NAV3: variants seen among roughly 807,000 people sequenced by gnomAD.
The protein encoded by NAV3 is neuron navigator 3.
NAV3 carries 87 observed loss-of-function variants against 244.7 expected under a neutral mutation model. The observed-to-expected ratio is 0.36, with a 90% confidence interval of 0.30 to 0.42. The LOEUF is 0.42. Ranked by LOEUF, NAV3 falls within the 20% of genes least tolerant of loss-of-function variation. The pLI is 1.00. For missense variants in NAV3, 2,663 were observed against 2,893.3 expected (o/e 0.92, Z 1.83); for synonymous variants, 1,126 against 1,042.2 (o/e 1.08, Z -1.55).
rs60932712 is a variant in NAV3 at position 77,691,360 on chromosome 12, T to TATATATATAC, written c.72+119094_72+119095insATATATATAC. Among the ~76,000 whole-genome samples the TATATATATAC allele has an allele frequency of 6.4e-3, 862 of 134,800 alleles. 29 individuals are homozygous for TATATATATAC. The highest frequency in any genetic ancestry group is 0.022 in the African/African-American group (818 of 36,708). The allele number at this position is 134,800 out of a possible 152,430, so 88.4% of individuals were successfully genotyped here. ...GTGTATATATATATATATATACATA[T>TATATATATAC]CCATTCTTGTACTTTTTCTGCTCAA... On this transcript the variant is annotated intron_variant, in intron 2 of 8. Coordinates refer to the NAV3 transcript ENST00000550042.
At chr12:78,150,387 T>C (rs995439995) in intron 22 of NAV3, among the ~76,000 whole-genome samples, 3 of 152,074 alleles carry the variant, frequency 2.0e-5, no homozygotes, top group Non-Finnish European at 2.9e-5. Flanking sequence ...ATTGGAATAA[T>C]AAATGGCTGC....
chr12:77,847,589 A>T (rs549968349), intron 1 of NAV3, among the ~76,000 whole-genome samples: 1 of 152,348 alleles, frequency 6.6e-6, no homozygotes, highest in South Asian at 2.1e-4. Context: ...TGCTGACTTT[A>T]TCTACAATTA....
chr12:78,205,172 T>A lies in NAV3; in HGVS notation c.7038+34T>A, dbSNP rs1252459032. The A allele has an allele frequency of 1.9e-6, 3 of 1,587,778 alleles. No individual in the cohort carries two copies. In the South Asian group the frequency reaches 3.4e-5, roughly 18 times the overall value. ...CAGATGTTCATTTCTTCCTATGTAA[T>A]CTTGACTACAGTGTATAGTCATTAA... On this transcript the variant is annotated intron_variant, in intron 39 of 39. Transcript: ENST00000397909.
At chr12:77,754,108 C>T (rs1742952174) in intron 2 of NAV3, among the ~76,000 whole-genome samples, 1 of 151,938 alleles carries the variant, frequency 6.6e-6, no homozygotes, top group South Asian at 2.1e-4. Flanking sequence ...TTTTGAATAG[C>T]CTCTCCAAAG....
intron 20 of NAV3, among the ~76,000 whole-genome samples, chr12:78,141,980 AAAAG>A (rs777936115): frequency 9.2e-5 from 14 of 152,246 alleles, no homozygotes; most frequent in Admixed American, 2.6e-4. Context: ...AACTAAATTA[AAAAG>A]AAAGAAAGAA....
intron 2 of NAV3, among the ~76,000 whole-genome samples, chr12:77,736,923 G>A (rs1046728392): frequency 6.6e-6 from 1 of 152,136 alleles, no homozygotes. Context: ...GAGAGACAAT[G>A]AGATCAATTC....
At chr12:78,092,815 T>G (rs1386789924) in intron 12 of NAV3, among the ~76,000 whole-genome samples, 1 of 152,202 alleles carries the variant, frequency 6.6e-6, no homozygotes, top group Middle Eastern at 3.4e-3. Flanking sequence ...AATTATTTTC[T>G]AAAGTGTTTC....
intron 3 of NAV3, chr12:77,947,367 T>C (rs755799348): frequency 6.6e-6 from 1 of 151,960 alleles, no homozygotes; most frequent in Non-Finnish European, 1.5e-5. Flanking sequence ...TTTAAAGTTT[T>C]ATTTTTTTCA....
chr12:77,680,074 A>G (rs1874382960), intron 2 of NAV3, among the ~76,000 whole-genome samples: 1 of 152,174 alleles, frequency 6.6e-6, no homozygotes, highest in Non-Finnish European at 1.5e-5. Flanking sequence ...TAGAGATTGC[A>G]TGGTGTTATA....
chr12:77,734,048 G>A (rs1043496856), intron 2 of NAV3, among the ~76,000 whole-genome samples: 7 of 151,582 alleles, frequency 4.6e-5, no homozygotes, highest in African/African-American at 1.7e-4. Flanking sequence ...AGAAAAGAGA[G>A]ACAAAAAGAG....
In NAV3 at chr12:78,146,379, A is replaced by T; in HGVS notation, c.4694A>T (p.Lys1565Met). ...TSSLYSTAEEKAHSEQIHKLR... is the reference protein window; with the variant it reads ...TSSLYSTAEEMAHSEQIHKLR... ...TTTATTGTTTTACAGGCTGAAGAAA[A>T]GGCTCATTCAGAGGTAAAAAAAAAA... The change falls in exon 21 of 40, where the codon AAG becomes ATG. Residue 1565 changes from lysine (K) to methionine (M), a missense_variant. This residue lies in a region of NAV3 where 354 missense variants were observed against 413.0 expected (regional missense o/e 0.86). Coordinates refer to ENST00000397909, the MANE Select transcript of NAV3 (RefSeq NM_001024383.2). 1 of 1,092,864 alleles carries T rather than the reference A, an allele frequency of 9.2e-7. No individual in the cohort carries two copies. Among genetic ancestry groups the T allele is most frequent in the Non-Finnish European group, 1.3e-6 (1 of 798,046 alleles). The allele number at this position is 1,092,864 out of a possible 1,614,324, so 67.7% of individuals were successfully genotyped here. A position where few individuals can be genotyped will look rare whatever the true frequency, so the allele number is the denominator to read the frequency against.
At chr12:77,751,692 T>A (rs537087905) in intron 2 of NAV3, among the ~76,000 whole-genome samples, 1 of 152,350 alleles carries the variant, frequency 6.6e-6, no homozygotes, top group African/African-American at 2.4e-5. Context: ...ATGTCTTTAT[T>A]AGCAGCATGA....
chr12:78,126,824 A>T (rs1281821100), intron 16 of NAV3, among the ~76,000 whole-genome samples: 1 of 152,210 alleles, frequency 6.6e-6, no homozygotes, highest in Non-Finnish European at 1.5e-5. Context: ...TTTGCATGTG[A>T]TATCATAGCA....
chr12:77,644,592 TA>T (rs1872544509), intron 2 of NAV3, among the ~76,000 whole-genome samples: 1 of 152,186 alleles, frequency 6.6e-6, no homozygotes, highest in South Asian at 2.1e-4. Context: ...ATAAAGCTCT[TA>T]AAAAATATTT....
At chr12:77,810,777 C>T (rs747285661) in intron 2 of NAV3, among the ~76,000 whole-genome samples, 21 of 152,084 alleles carry the variant, frequency 1.4e-4, no homozygotes, top group Non-Finnish European at 2.2e-4. Flanking sequence ...ACAAATATTT[C>T]TGCCTAACCA....
intron 12 of NAV3, among the ~76,000 whole-genome samples, chr12:78,107,578 G>T (rs116875087): frequency 1.5e-4 from 22 of 151,532 alleles, no homozygotes; most frequent in Non-Finnish European, 3.2e-4. Flanking sequence ...AGGCCAGAAA[G>T]AATAGGACAA....
At chr12:77,936,907 A>G (rs1255680368) in intron 1 of NAV3, among the ~76,000 whole-genome samples, 2 of 152,284 alleles carry the variant, frequency 1.3e-5, no homozygotes, top group African/African-American at 2.4e-5. Context: ...CCACCTTTGT[A>G]TTCAACTTAC....
chr12:78,000,074 A>G (rs1872986837), intron 7 of NAV3, among the ~76,000 whole-genome samples: 1 of 152,222 alleles, frequency 6.6e-6, no homozygotes, highest in African/African-American at 2.4e-5. Context: ...CTGTAATGTG[A>G]AAATGTTTTA....
intron 1 of NAV3, among the ~76,000 whole-genome samples, chr12:77,891,554 G>C (rs192743987): frequency 1.3e-5 from 2 of 151,732 alleles, no homozygotes; most frequent in African/African-American, 4.8e-5. Flanking sequence ...TTTAAATAAC[G>C]TTCCAGTCCT....
Sources: allele counts gnomAD v4.1 joint callset (sites outside exome capture counted in the v4.1 genomes callset), GRCh38; gene constraint gnomAD v4.1.1; regional missense constraint gnomAD v4.1.1; transcripts MANE v1.5; gene names NCBI Gene and HGNC (gene_info 2026-07-23, HGNC 2026-07-21).